The following PPP2R3B variants were observed in gnomAD, a reference collection of about 807,000 sequenced individuals.
The protein encoded by PPP2R3B is protein phosphatase 2 regulatory subunit B''beta, also known as serine/threonine-protein phosphatase 2A regulatory subunit B'' subunit beta.
A neutral mutation model predicts 72.9 loss-of-function variants in PPP2R3B; 68 were observed. That is an observed-to-expected ratio of 0.93 (90% CI 0.77 to 1.14). The LOEUF (loss-of-function observed/expected upper bound fraction) is 1.14, where lower values mean the gene tolerates loss of function less well. Among genes scored for constraint, PPP2R3B ranks in the 50% most tolerant of loss-of-function variants. PPP2R3B has a pLI of 0.00. For missense variants in PPP2R3B, 1,018 were observed against 842.0 expected (o/e 1.21, Z -2.59); for synonymous variants, 466 against 375.8 (o/e 1.24, Z -2.78).
chrX:345,778 C>T (rs963829979), intron 6 of PPP2R3B, 106 bp from the exon 7 acceptor site: 2 of 214,518 alleles, frequency 9.3e-6, no homozygotes, highest in African/African-American at 3.9e-5. Context: ...GGGGCCGCTC[C>T]GTGGGTGGGG....
intron 12 of PPP2R3B, chrX:335,837 T>TG (rs1194431072): frequency 6.6e-6 from 1 of 152,122 alleles, no homozygotes; most frequent in African/African-American, 2.4e-5. Flanking sequence ...AACCCACTGA[T>TG]GGGAACGGGC....
intron 2 of PPP2R3B, among the ~76,000 whole-genome samples, chrX:358,406 G>C (rs758367807): frequency 5.7e-4 from 53 of 92,250 alleles, no homozygotes; most frequent in African/African-American, 1.7e-3. Flanking sequence ...CGAGCACCAT[G>C]CTCTCCGCCT....
At chrX:370,165 GGAGAT>G (rs2071826967) in intron 1 of PPP2R3B, among the ~76,000 whole-genome samples, 1 of 152,186 alleles carries the variant, frequency 6.6e-6, no homozygotes, top group African/African-American at 2.4e-5. Context: ...AGCCGAACAC[GGAGAT>G]GAGAGGCCCC....
chrX:372,177 G>C (rs1322622394), intron 1 of PPP2R3B, among the ~76,000 whole-genome samples: 1 of 152,108 alleles, frequency 6.6e-6, no homozygotes, highest in East Asian at 1.9e-4. Context: ...GGCTGATCTC[G>C]CTCTTCGCAG....
At chrX:363,026 G>A (rs1354939995) in intron 1 of PPP2R3B, among the ~76,000 whole-genome samples, 1 of 152,094 alleles carries the variant, frequency 6.6e-6, no homozygotes, top group Admixed American at 6.5e-5. Flanking sequence ...CCCACGGTGA[G>A]ACTCAGTTGT....
chrX:338,360 G>C lies in PPP2R3B; in HGVS notation c.1577+244C>G, dbSNP rs770273434. 1.8e-5 allele frequency: 11 copies of C among 599,102 alleles called. No homozygotes were observed. In the East Asian group the frequency reaches 1.9e-4, roughly 11 times the overall value. The allele number at this position is 599,102 out of a possible 1,614,324, so 37.1% of individuals were successfully genotyped here. A position where few individuals can be genotyped will look rare whatever the true frequency, so the allele number is the denominator to read the frequency against. ...CTGATGTGCGAAGCCTCGCGCCCAGGATCACAGAACCCCACGCGGGGAATG... is the reference window on the plus strand; with the variant it reads ...CTGATGTGCGAAGCCTCGCGCCCAGCATCACAGAACCCCACGCGGGGAATG... On this transcript the variant is annotated intron_variant, in intron 12 of 12. Transcript: ENST00000390665.
intron 2 of PPP2R3B, among the ~76,000 whole-genome samples, chrX:354,743 C>A (rs1341169918): frequency 6.6e-6 from 1 of 152,042 alleles, no homozygotes; most frequent in Non-Finnish European, 1.5e-5. Flanking sequence ...CACGGCTACT[C>A]GGGAGGGCTG....
intron 1 of PPP2R3B, among the ~76,000 whole-genome samples, chrX:375,529 A>C (rs1437462216): frequency 6.8e-6 from 1 of 146,336 alleles, no homozygotes; most frequent in East Asian, 2.0e-4. Flanking sequence ...CACAGGGCAG[A>C]GGTGCCGTCC....
At chrX:374,340 A>G (rs1453294467) in intron 1 of PPP2R3B, among the ~76,000 whole-genome samples, 2 of 152,200 alleles carry the variant, frequency 1.3e-5, no homozygotes, top group Non-Finnish European at 2.9e-5. Context: ...CACGCACGGC[A>G]GCCCAGACAT....
At chrX:380,248 G>A (rs910095491) in intron 1 of PPP2R3B, among the ~76,000 whole-genome samples, 1 of 152,182 alleles carries the variant, frequency 6.6e-6, no homozygotes, top group African/African-American at 2.4e-5. Context: ...TTTGCTCTTT[G>A]AGACACTGAA....
chrX:385,044 C>A (rs1402521528), intron 1 of PPP2R3B, among the ~76,000 whole-genome samples: 1 of 150,030 alleles, frequency 6.7e-6, no homozygotes, highest in African/African-American at 2.5e-5. Context: ...CTACTCACCA[C>A]GGACTGGTTC....
intron 9 of PPP2R3B, 27 bp from the exon 10 acceptor site, chrX:340,967 C>T: frequency 6.2e-7 from 1 of 1,603,996 alleles, no homozygotes; most frequent in Non-Finnish European, 8.5e-7. Flanking sequence ...TCTGTCAGCC[C>T]CTGCCCTGGG....
Position 336,846 on chromosome X carries a change from C to T in PPP2R3B, c.1577+1758G>A, listed in dbSNP as rs193035131. On this transcript the variant is annotated intron_variant, in intron 12 of 12. Coordinates refer to ENST00000390665, the MANE Select transcript of PPP2R3B (RefSeq NM_013239.5). ...ACACGGAAAGCTACAAAAATCCTGCCGAGAGACACGGACGGCGCCCATGGA... is the reference window on the plus strand; with the variant it reads ...ACACGGAAAGCTACAAAAATCCTGCTGAGAGACACGGACGGCGCCCATGGA... The T allele has an allele frequency of 1.2e-3, 178 of 151,200 alleles. 3 individuals are homozygous for T. Among genetic ancestry groups the T allele is most frequent in the African/African-American group, 4.2e-3 (172 of 40,970 alleles). The allele number at this position is 151,200 out of a possible 1,614,324, so 9.4% of individuals were successfully genotyped here.
At position 338,642 on chromosome X, in the gene PPP2R3B, C is replaced by T. The variant is rs766029939; in HGVS notation, c.1539G>A (p.Leu513=). 23 of 1,611,216 alleles carry T rather than the reference C, an allele frequency of 1.4e-5. No homozygotes were observed. The highest frequency in any genetic ancestry group is 1.9e-5 in the Non-Finnish European group (22 of 1,179,614). ...GCTCTCCCGCAGTCTCCTCGGCCAC[C>T]AGGATGTCGTACTCCTCGGCCGCGT... ...EKYAAEEYDI[L]VAEETAGEPW... Residue 513 remains leucine (L), a synonymous_variant, in exon 12 of 13, where the codon CTG becomes CTA. Transcript: ENST00000390665.
chrX:334,508 G>C lies in PPP2R3B; in HGVS notation c.1587C>G (p.Ala529=). 6.5e-7 allele frequency: 1 copy of C among 1,548,126 alleles called. No individual in the cohort carries two copies. ...GCTTCTGCTCCACAGGGCTGAGCTCGGCCTCGAACCTGCAACGAGGGGATG... is the reference window on the plus strand; with the variant it reads ...GCTTCTGCTCCACAGGGCTGAGCTCCGCCTCGAACCTGCAACGAGGGGATG... ...AGEPWEDGFE[A]ELSPVEQKLS... is the part of the protein sequence containing the mutation. Residue 529 remains alanine, a synonymous_variant, in exon 13 of 13, where the codon GCC becomes GCG. Coordinates refer to ENST00000390665, the MANE Select transcript of PPP2R3B (RefSeq NM_013239.5).
chrX:381,245 C>G (rs1322566274), intron 1 of PPP2R3B, among the ~76,000 whole-genome samples: 1 of 152,092 alleles, frequency 6.6e-6, no homozygotes, highest in African/African-American at 2.4e-5. Flanking sequence ...CTAATTTGTA[C>G]CAGTTTCTCT....
In PPP2R3B at chrX:342,264, C is replaced by T. The variant is rs1314990469; in HGVS notation, c.1037-333G>A. On this transcript the variant is annotated intron_variant, in intron 7 of 12. Coordinates refer to ENST00000390665, the MANE Select transcript of PPP2R3B (RefSeq NM_013239.5). ...TCGAGTGTGATCACGGAAACAAACA[C>T]GTTTCAACCAAAGGTTCACCAACGG... 18 of 489,636 alleles carry T rather than the reference C, an allele frequency of 3.7e-5. No individual in the cohort carries two copies. The East Asian group carries it at 5.2e-4, about 14-fold the overall frequency. The allele number at this position is 489,636 out of a possible 1,614,324, so 30.3% of individuals were successfully genotyped here. A position where few individuals can be genotyped will look rare whatever the true frequency, so the allele number is the denominator to read the frequency against.
At chrX:335,487 G>T (rs1466579639) in intron 12 of PPP2R3B, 1 of 152,280 alleles carries the variant, frequency 6.6e-6, no homozygotes, top group African/African-American at 2.4e-5. Context: ...GTGCTGCTTG[G>T]CAGGAATCGG....
intron 2 of PPP2R3B, among the ~76,000 whole-genome samples, chrX:355,067 G>C (rs2124117471): frequency 1.3e-5 from 2 of 152,318 alleles, no homozygotes; most frequent in South Asian, 2.1e-4. Context: ...AGAAGAGAAA[G>C]GCTGAACTGT....
Sources: allele counts gnomAD v4.1 joint callset (sites outside exome capture counted in the v4.1 genomes callset), GRCh38; gene constraint gnomAD v4.1.1; transcripts MANE v1.5; gene names NCBI Gene and HGNC (gene_info 2026-07-23, HGNC 2026-07-21).